RICTOR: variants seen among roughly 807,000 people sequenced by gnomAD.
RICTOR encodes rapamycin-insensitive companion of mTOR.
In RICTOR, 49 loss-of-function variants were observed where a neutral mutation model predicts 214.9. The observed-to-expected ratio is 0.23, with a 90% CI of 0.18 to 0.29. RICTOR has a LOEUF of 0.29. Ranked by LOEUF, RICTOR falls within the 10% of genes least tolerant of loss-of-function variation. RICTOR has a pLI of 1.00. For synonymous variants in RICTOR, 717 were observed against 711.3 expected (o/e 1.01, Z -0.13); for missense variants, 1,625 against 2,047.0 (o/e 0.79, Z 3.98).
At chr5:39,016,268 C>G (rs1366759469) in intron 3 of RICTOR, among the ~76,000 whole-genome samples, 1 of 149,512 alleles carries the variant, frequency 6.7e-6, no homozygotes, top group Non-Finnish European at 1.5e-5. Flanking sequence ...GCCTTCATTA[C>G]AGAGATACAC....
chr5:39,071,779 C>A (rs1759343455), intron 2 of RICTOR, among the ~76,000 whole-genome samples: 1 of 152,150 alleles, frequency 6.6e-6, no homozygotes, highest in South Asian at 2.1e-4. Context: ...TAGGTAACTA[C>A]ACAATGAATC....
intron 4 of RICTOR, 126 bp downstream of exon 4, chr5:39,003,432 T>C: frequency 1.7e-6 from 1 of 601,504 alleles, no homozygotes; most frequent in Non-Finnish European, 2.9e-6. Context: ...TTTTCTAATG[T>C]TCAAGCAACT....
Position 38,950,030 on chromosome 5 carries a change from T to C in RICTOR, c.3818A>G (p.Gln1273Arg), listed in dbSNP as rs1317249372. Residue 1273 changes from glutamine to arginine, a missense_variant, in exon 31 of 38, where the codon CAG becomes CGG. This residue lies in a region of RICTOR where 1,214 missense variants were observed against 1,470.5 expected (regional missense o/e 0.83). Transcript: ENST00000357387. The stretch of plus-strand genomic sequence containing the variant: ...TTTGGAGAGAGACAGATGGTTAGAC[T>C]GTGGCGTCAAATAGTGGCTTGTCTT... ...TIKTSHYLTP[Q>R]SNHLSLSKSN... The C allele has an allele frequency of 6.8e-6, 11 of 1,613,508 alleles. No homozygotes were observed. The highest frequency in any genetic ancestry group is 9.3e-6 in the Non-Finnish European group (11 of 1,179,618).
rs181265064 is a variant in RICTOR, at chr5:38,970,409, C to T, written c.972+1468G>A. ...GGAGCTAACAAAAAAGTAAATAAAA[C>T]CAGAGGTTAAACTCCAGTTGGTCAG... is the stretch of plus-strand genomic sequence containing the variant. On this transcript the variant is annotated intron_variant, in intron 11 of 37. Transcript: ENST00000357387. 2.0e-4 allele frequency: 30 copies of T among 152,254 alleles called. No homozygotes were observed. The East Asian group carries it at 5.6e-3, about 28-fold the overall frequency. The allele number at this position is 152,254 out of a possible 1,614,324, so 9.4% of individuals were successfully genotyped here. A position where few individuals can be genotyped will look rare whatever the true frequency, so the allele number is the denominator to read the frequency against.
intron 2 of RICTOR, among the ~76,000 whole-genome samples, chr5:39,072,014 T>C (rs2150225453): frequency 6.6e-6 from 1 of 152,322 alleles, no homozygotes; most frequent in South Asian, 2.1e-4. Flanking sequence ...ATGAAATGTC[T>C]GTCACAACAG....
intron 30 of RICTOR, among the ~76,000 whole-genome samples, 161 bp from the exon 31 acceptor site, chr5:38,950,881 G>C (rs1299956601): frequency 6.6e-6 from 1 of 151,784 alleles, no homozygotes; most frequent in East Asian, 1.9e-4. Context: ...TATCTTTCTT[G>C]AAACCCAGAG....
chr5:39,003,013 AATC>A (rs1753758191), intron 4 of RICTOR, among the ~76,000 whole-genome samples: 2 of 152,144 alleles, frequency 1.3e-5, no homozygotes, highest in Non-Finnish European at 2.9e-5. Context: ...GTGTCTCTAC[AATC>A]GAATATCCTC....
At chr5:38,948,978 T>C (rs1182738230) in intron 31 of RICTOR, among the ~76,000 whole-genome samples, 1 of 152,052 alleles carries the variant, frequency 6.6e-6, no homozygotes, top group Non-Finnish European at 1.5e-5. Context: ...TTCTAACATA[T>C]ATTGTTGACA....
In RICTOR at chr5:38,957,724, G is replaced by A. The variant is rs1437204026; in HGVS notation, c.2427C>T (p.Leu809=). The change falls in exon 25 of 38, where the codon CTC becomes CTT. Residue 809 remains leucine, a synonymous_variant. Transcript: ENST00000357387. ...DKGLLLLLRF[L]SIPKGFSYLN... Reference sequence around the variant, plus strand: ...GATAGGAAAATCCTTTTGGAATGGAGAGAAATCTGCAAATTAAAACAAGCA... The same window carrying A: ...GATAGGAAAATCCTTTTGGAATGGAAAGAAATCTGCAAATTAAAACAAGCA... 1.3e-6 allele frequency: 2 copies of A among 1,563,756 alleles called. No homozygotes were observed. The highest frequency in any genetic ancestry group is 1.8e-5 in the Admixed American group (1 of 56,838).
chr5:38,962,289 T>C, intron 19 of RICTOR, 26 bp downstream of exon 19: 1 of 1,195,986 alleles, frequency 8.4e-7, no homozygotes, highest in Non-Finnish European at 1.2e-6. Flanking sequence ...TTCTTTAAAT[T>C]TAAATGCAAA....
At chr5:39,007,247 A>G (rs1305932607) in intron 3 of RICTOR, among the ~76,000 whole-genome samples, 1 of 152,188 alleles carries the variant, frequency 6.6e-6, no homozygotes, top group East Asian at 1.9e-4. Flanking sequence ...GAGGCCAGAA[A>G]TCTAAGATCA....
At chr5:39,046,493 TC>T (rs767585549) in intron 2 of RICTOR, among the ~76,000 whole-genome samples, 22 of 150,236 alleles carry the variant, frequency 1.5e-4, no homozygotes, top group Non-Finnish European at 1.0e-4. Flanking sequence ...TCTTACCTCA[TC>T]ATCTCCTAAA....
In RICTOR at chr5:38,966,702, G is replaced by T; in HGVS notation, c.1238C>A (p.Thr413Lys). The change falls in exon 15 of 38, where the codon ACA becomes AAA. Residue 413 changes from threonine (T) to lysine (K), a missense_variant. By Grantham distance (78) the Thr-to-Lys change is moderately conservative. Transcript: ENST00000357387. Reference protein sequence around the residue: ...GLLEGLVEVITNSDDHISVRA... With the variant: ...GLLEGLVEVIKNSDDHISVRA... Reference sequence around the variant, plus strand: ...AACTGAGATATGATCATCACTGTTTGTTATCACTTCAACTAGACCCTTTGA... The same window carrying T: ...AACTGAGATATGATCATCACTGTTTTTTATCACTTCAACTAGACCCTTTGA... The T allele has an allele frequency of 6.3e-7, 1 of 1,580,800 alleles. No homozygotes were observed. Among genetic ancestry groups the T allele is most frequent in the Non-Finnish European group, 8.7e-7 (1 of 1,152,816 alleles).
chr5:39,037,187 G>A (rs1034784861), intron 2 of RICTOR, among the ~76,000 whole-genome samples: 1 of 152,088 alleles, frequency 6.6e-6, no homozygotes, highest in Admixed American at 6.5e-5. Context: ...TCAACTACAT[G>A]GAAACTAAAC....
At chr5:38,978,963 ACAAT>A (rs1348138416) in intron 8 of RICTOR, among the ~76,000 whole-genome samples, 2 of 152,208 alleles carry the variant, frequency 1.3e-5, no homozygotes, top group East Asian at 3.8e-4. Flanking sequence ...CTTTGTAGTC[ACAAT>A]CAGTATCTAT....
intron 31 of RICTOR, among the ~76,000 whole-genome samples, chr5:38,948,656 G>T (rs1411451566): frequency 6.6e-6 from 1 of 152,064 alleles, no homozygotes; most frequent in East Asian, 1.9e-4. Context: ...CAAAATTCAT[G>T]AACTTTACTG....
intron 2 of RICTOR, among the ~76,000 whole-genome samples, chr5:39,044,556 C>A (rs898371128): frequency 1.3e-5 from 2 of 152,006 alleles, no homozygotes; most frequent in Non-Finnish European, 2.9e-5. Context: ...TATCTACTTC[C>A]CAAACTCTGA....
intron 24 of RICTOR, among the ~76,000 whole-genome samples, chr5:38,958,224 G>A (rs375386508): frequency 8.6e-5 from 13 of 151,768 alleles, no homozygotes; most frequent in African/African-American, 2.7e-4. Flanking sequence ...ATGACAAAGC[G>A]AGGCCGTCTC....
chr5:39,063,753 A>G (rs975787837), intron 2 of RICTOR, among the ~76,000 whole-genome samples: 3 of 152,098 alleles, frequency 2.0e-5, no homozygotes, highest in South Asian at 2.1e-4. Context: ...CATATAATAT[A>G]TATATAATTA....
Sources: gnomAD v4.1 joint callset for allele counts (sites outside exome capture counted in the v4.1 genomes callset) on GRCh38, gnomAD v4.1.1 for gene constraint, gnomAD v4.1.1 regional missense constraint, MANE v1.5 for transcripts, NCBI Gene and HGNC (gene_info 2026-07-23, HGNC 2026-07-21) for gene names.